Variants in RBM19 observed in about 807,000 individuals in gnomAD.
The protein encoded by RBM19 is probable RNA-binding protein 19.
In RBM19, 94 loss-of-function variants were observed where a neutral mutation model predicts 116.8. The observed-to-expected ratio is 0.80, with a 90% CI of 0.68 to 0.95. The LOEUF is 0.95. Among genes scored for constraint, RBM19 ranks in the 40% least tolerant of loss-of-function variants. RBM19 has a pLI of 0.00. For missense variants in RBM19, 1,161 were observed against 1,220.7 expected, an observed-to-expected ratio of 0.95 and a Z score of 0.73; for synonymous variants, 475 against 494.1, an observed-to-expected ratio of 0.96 and a Z score of 0.51.
intron 21 of RBM19, among the ~76,000 whole-genome samples, chr12:113,908,458 AG>A (rs1882211992): frequency 6.6e-6 from 1 of 151,770 alleles, no homozygotes; most frequent in South Asian, 2.1e-4. Flanking sequence ...CAGGCACAAC[AG>A]GTGTGGGGTG....
At position 113,878,986 on chromosome 12, in the gene RBM19, G is replaced by A. The variant is rs531591361; in HGVS notation, c.2559-20090C>T. Among the ~76,000 whole-genome samples, 3 of 152,168 alleles carry A rather than the reference G, an allele frequency of 2.0e-5. No individual in the cohort carries two copies. In the South Asian group the frequency reaches 6.2e-4, roughly 32 times the overall value. On this transcript the variant is annotated intron_variant, in intron 21 of 23. Transcript: ENST00000261741. The stretch of plus-strand genomic sequence containing the variant: ...TGACAGCAGGGGCTGCCTGTAGGAG[G>A]CAGAACTAAGAACTAGACCGTGTGT...
At chr12:113,962,634 T>C (rs568002900) in intron 1 of RBM19, among the ~76,000 whole-genome samples, 45 of 152,356 alleles carry the variant, frequency 3.0e-4, no homozygotes, top group Admixed American at 7.2e-4. Context: ...GTGGAAATCA[T>C]GACTCATAAT....
At chr12:113,847,473 C>A (rs530876946) in intron 22 of RBM19, among the ~76,000 whole-genome samples, 1 of 152,014 alleles carries the variant, frequency 6.6e-6, no homozygotes. Flanking sequence ...AAAACACACG[C>A]GTTCTCAGCT....
rs546714649 is a variant in RBM19 at position 113,826,452 on chromosome 12, A to G, written c.2786-3131T>C. On this transcript the variant is annotated intron_variant, in intron 23 of 23. Transcript: ENST00000261741. Reference sequence around the variant, plus strand: ...GGGAAAATTGAGGGTCAAGTAGTGTAGGTTGCTGAAGGACAAACAGCAGCT... The same window carrying G: ...GGGAAAATTGAGGGTCAAGTAGTGTGGGTTGCTGAAGGACAAACAGCAGCT... Among the ~76,000 whole-genome samples the G allele has an allele frequency of 9.8e-5, 15 of 152,358 alleles. No individual in the cohort carries two copies. In the South Asian group the frequency reaches 3.1e-3, roughly 32 times the overall value.
chr12:113,916,673 T>C (rs1323887993), intron 20 of RBM19, among the ~76,000 whole-genome samples: 2 of 152,170 alleles, frequency 1.3e-5, no homozygotes, highest in East Asian at 1.9e-4. Context: ...TGCCATGCCA[T>C]GGGGACACTC....
chr12:113,916,679 C>T (rs948924025), intron 20 of RBM19, among the ~76,000 whole-genome samples: 4 of 152,182 alleles, frequency 2.6e-5, no homozygotes, highest in Non-Finnish European at 5.9e-5. Flanking sequence ...GCCATGGGGA[C>T]ACTCAAGCGG....
intron 21 of RBM19, among the ~76,000 whole-genome samples, chr12:113,869,184 T>C (rs1257381362): frequency 6.6e-6 from 1 of 152,140 alleles, no homozygotes; most frequent in Non-Finnish European, 1.5e-5. Context: ...CTAGTGAACA[T>C]CAGGAGTTCC....
chr12:113,947,267 C>A, intron 11 of RBM19, 67 bp downstream of exon 11: 1 of 1,521,348 alleles, frequency 6.6e-7, no homozygotes, highest in Non-Finnish European at 8.9e-7. Flanking sequence ...TACACACACA[C>A]ACACACCAGC....
At chr12:113,860,232 G>T (rs1391102803) in intron 21 of RBM19, among the ~76,000 whole-genome samples, 1 of 152,196 alleles carries the variant, frequency 6.6e-6, no homozygotes, top group Non-Finnish European at 1.5e-5. Context: ...TGCTGGAGGG[G>T]GGCCAGGGCT....
intron 21 of RBM19, among the ~76,000 whole-genome samples, chr12:113,876,019 G>A (rs967588443): frequency 6.6e-5 from 10 of 152,270 alleles, no homozygotes; most frequent in African/African-American, 1.7e-4. Context: ...CGTGTGCCTT[G>A]GGGTGGGTGT....
intron 11 of RBM19, 27 bp from the exon 12 acceptor site, chr12:113,946,502 A>C: frequency 6.2e-7 from 1 of 1,613,988 alleles, no homozygotes; most frequent in Non-Finnish European, 8.5e-7. Flanking sequence ...GGAAGGGAGT[A>C]AACAGAAGCC....
At chr12:113,872,210 G>T (rs1407933503) in intron 21 of RBM19, among the ~76,000 whole-genome samples, 4 of 147,358 alleles carry the variant, frequency 2.7e-5, no homozygotes, top group Non-Finnish European at 4.5e-5. Flanking sequence ...GCCTCTGCCC[G>T]GCCGAGACCC....
At chr12:113,874,109 T>G (rs987435207) in intron 21 of RBM19, among the ~76,000 whole-genome samples, 2 of 152,246 alleles carry the variant, frequency 1.3e-5, no homozygotes, top group Non-Finnish European at 2.9e-5. Context: ...CTGCTTCATT[T>G]GTCACCTCGA....
At chr12:113,834,390 G>A (rs1285095655) in intron 23 of RBM19, among the ~76,000 whole-genome samples, 1 of 152,154 alleles carries the variant, frequency 6.6e-6, no homozygotes, top group Non-Finnish European at 1.5e-5. Context: ...TGAGAAAGTG[G>A]GGAGTCACCA....
At chr12:113,872,957 C>A (rs1879381835) in intron 21 of RBM19, among the ~76,000 whole-genome samples, 5 of 108,436 alleles carry the variant, frequency 4.6e-5, no homozygotes, top group African/African-American at 1.4e-4. Flanking sequence ...CCCGGCCAGC[C>A]GCCCCGTCCG....
intron 23 of RBM19, among the ~76,000 whole-genome samples, chr12:113,832,335 G>A (rs554134554): frequency 6.6e-6 from 1 of 152,010 alleles, no homozygotes; most frequent in African/African-American, 2.4e-5. Flanking sequence ...GATTACGGGC[G>A]CACGCCACCA....
At chr12:113,911,484 T>C (rs1882424439) in intron 21 of RBM19, among the ~76,000 whole-genome samples, 1 of 152,196 alleles carries the variant, frequency 6.6e-6, no homozygotes, top group Non-Finnish European at 1.5e-5. Context: ...GTCTATAAAC[T>C]CAGATTCAAA....
chr12:113,963,630 T>C (rs1218572281), intron 1 of RBM19, among the ~76,000 whole-genome samples: 3 of 152,344 alleles, frequency 2.0e-5, no homozygotes, highest in African/African-American at 7.2e-5. Flanking sequence ...TCAAGGTTTG[T>C]GACTCAATTC....
chr12:113,849,015 C>T (rs1877225728), intron 22 of RBM19, among the ~76,000 whole-genome samples: 1 of 152,256 alleles, frequency 6.6e-6, no homozygotes, highest in Non-Finnish European at 1.5e-5. Flanking sequence ...AACTGAGGCA[C>T]TGGCCAAGGT....
Sources: allele counts gnomAD v4.1 joint callset (sites outside exome capture counted in the v4.1 genomes callset), GRCh38; gene constraint gnomAD v4.1.1; transcripts MANE v1.5; gene names NCBI Gene and HGNC (gene_info 2026-07-23, HGNC 2026-07-21).